Variants in PRKN observed in about 807,000 individuals in gnomAD.
The protein encoded by PRKN is E3 ubiquitin-protein ligase parkin.
Under a neutral mutation model 59.5 loss-of-function variants are expected in PRKN, and 56 were observed. The ratio of observed to expected loss-of-function variants is 0.94; its 90% CI spans 0.76 to 1.18. PRKN has a LOEUF of 1.18. Ranked by LOEUF, PRKN falls within the 50% of genes most tolerant of loss-of-function variation. The probability of loss-of-function intolerance (pLI) is 0.00; values close to 1 mark genes in which losing one functional copy is unlikely to be tolerated. For missense variants in PRKN, 657 were observed against 596.4 expected, an observed-to-expected ratio of 1.10 and a Z score of -1.06; for synonymous variants, 250 against 222.1, an observed-to-expected ratio of 1.13 and a Z score of -1.12.
At position 161,391,881 on chromosome 6, in the gene PRKN, G is replaced by A. The variant is rs1018474479; in HGVS notation, c.1084-5004C>T. ...TGGCCACTCTGTGGATTTAGGAGGT[G>A]CCTACCCAGCCCTGAAACCGTGTAA... is the stretch of plus-strand genomic sequence containing the variant. On this transcript the variant is annotated intron_variant, in intron 9 of 11. Transcript: ENST00000366898. This position sits in a 1 kb window ranked among gnomAD's most constrained non-coding sequence, Gnocchi z 4.9. 6.6e-6 allele frequency among the ~76,000 whole-genome samples: 1 copy of A among 151,922 alleles called. No individual in the cohort carries two copies. Among genetic ancestry groups the A allele is most frequent in the African/African-American group, 2.4e-5 (1 of 41,314 alleles).
At chr6:161,605,459 T>C (rs1214732296) in intron 7 of PRKN, among the ~76,000 whole-genome samples, 1 of 152,016 alleles carries the variant, frequency 6.6e-6, no homozygotes, top group African/African-American at 2.4e-5. Flanking sequence ...GTGGTAGCCA[T>C]GTCATACAGA....
intron 1 of PRKN, among the ~76,000 whole-genome samples, chr6:162,525,222 C>CTG (rs547901103): frequency 6.6e-6 from 1 of 152,052 alleles, no homozygotes; most frequent in African/African-American, 2.4e-5. Context: ...CTCTGACCCT[C>CTG]TGTGTGTGTG....
At chr6:162,399,610 G>A (rs1357398442) in intron 2 of PRKN, among the ~76,000 whole-genome samples, 1 of 151,930 alleles carries the variant, frequency 6.6e-6, no homozygotes, top group Non-Finnish European at 1.5e-5. Flanking sequence ...TCTATTTATA[G>A]ACTAAGAAAT....
chr6:162,121,979 G>A (rs1213831175), intron 4 of PRKN, among the ~76,000 whole-genome samples: 2 of 152,156 alleles, frequency 1.3e-5, no homozygotes, highest in Non-Finnish European at 2.9e-5. Context: ...GGTCTGGTTG[G>A]AAGGTAAGGG....
At chr6:162,103,144 A>T (rs1780048799) in intron 4 of PRKN, among the ~76,000 whole-genome samples, 1 of 152,024 alleles carries the variant, frequency 6.6e-6, no homozygotes, top group Non-Finnish European at 1.5e-5. Flanking sequence ...AGAGGGTTTT[A>T]TAAGTGAGTT....
intron 7 of PRKN, among the ~76,000 whole-genome samples, chr6:161,628,287 C>T (rs1448280812): frequency 6.6e-6 from 1 of 152,146 alleles, no homozygotes; most frequent in Non-Finnish European, 1.5e-5. Flanking sequence ...GGCTTATAAG[C>T]CACGGAAATT....
At chr6:162,044,820 C>A (rs1784192487) in intron 5 of PRKN, among the ~76,000 whole-genome samples, 2 of 152,212 alleles carry the variant, frequency 1.3e-5, no homozygotes, top group Admixed American at 6.5e-5. Context: ...TCTTTGATCA[C>A]CTTTGTGTTT....
intron 5 of PRKN, among the ~76,000 whole-genome samples, chr6:161,975,147 G>A (rs1016565551): frequency 3.4e-5 from 5 of 146,138 alleles, no homozygotes; most frequent in African/African-American, 1.0e-4. Flanking sequence ...GTGCAGTGGC[G>A]CGATCTCAGC....
At chr6:162,524,507 T>C (rs6904956) in intron 1 of PRKN, among the ~76,000 whole-genome samples, 16,375 of 152,228 alleles carry the variant, frequency 0.11, 1,033 homozygotes, top group African/African-American at 0.17. Flanking sequence ...TAAAATATAA[T>C]GCATGGACCT....
intron 6 of PRKN, among the ~76,000 whole-genome samples, chr6:161,933,887 G>A (rs1779258393): frequency 2.0e-5 from 3 of 152,226 alleles, no homozygotes; most frequent in Admixed American, 2.0e-4. Context: ...AACCCCAGAA[G>A]TCTTTGGACC....
rs1355140926 is a variant in PRKN, at chr6:161,468,817, C to G, written c.1083+80037G>C. Among the ~76,000 whole-genome samples the G allele has an allele frequency of 1.3e-5, 2 of 152,180 alleles. No homozygotes were observed. The highest frequency in any genetic ancestry group is 2.9e-5 in the Non-Finnish European group (2 of 68,034). On this transcript the variant is annotated intron_variant, in intron 9 of 11. Transcript: ENST00000366898. This position sits in a 1 kb window ranked among gnomAD's most constrained non-coding sequence, Gnocchi z 5.9. ...ATTTGTGAAGTTGTCCTTGTGGCCACAGTTGAAGGCCCTCATGCTCACTGT... is the reference window on the plus strand; with the variant it reads ...ATTTGTGAAGTTGTCCTTGTGGCCAGAGTTGAAGGCCCTCATGCTCACTGT...
rs1562486973 is a variant in PRKN at position 162,056,149 on chromosome 6, A to ATG, written c.535-1976_535-1975insCA. Among the ~76,000 whole-genome samples the ATG allele has an allele frequency of 2.6e-5, 4 of 151,530 alleles. No homozygotes were observed. The highest frequency in any genetic ancestry group is 2.9e-5 in the Non-Finnish European group (2 of 67,856). ...GCACGCACACCAAGACACACCACAC[A>ATG]CGCACGCACACCAAAACACACCACA... On this transcript the variant is annotated intron_variant, in intron 4 of 11. Coordinates refer to ENST00000366898, the MANE Select transcript of PRKN (RefSeq NM_004562.3). The surrounding 1 kb of genome is among the most constrained non-coding windows in gnomAD (Gnocchi z 4.9).
rs564239833 is a variant in PRKN at position 161,607,545 on chromosome 6, C to T, written c.872-38129G>A. ...GTCTTAAATATTAAAATGATGACGGCAGAAAATTTTAAAAATTTAGTCAGT... is the reference window on the plus strand; with the variant it reads ...GTCTTAAATATTAAAATGATGACGGTAGAAAATTTTAAAAATTTAGTCAGT... On this transcript the variant is annotated intron_variant, in intron 7 of 11. Coordinates refer to ENST00000366898, the MANE Select transcript of PRKN (RefSeq NM_004562.3). Among the ~76,000 whole-genome samples, 3 of 151,918 alleles carry T rather than the reference C, an allele frequency of 2.0e-5. No homozygotes were observed. The South Asian group carries it at 6.2e-4, about 32-fold the overall frequency.
chr6:161,666,314 C>G (rs936339870), intron 7 of PRKN, among the ~76,000 whole-genome samples: 1 of 152,142 alleles, frequency 6.6e-6, no homozygotes, highest in Non-Finnish European at 1.5e-5. Flanking sequence ...ATTACCTTCT[C>G]ATAGGAGCAT....
chr6:161,865,573 C>T (rs997158104), intron 6 of PRKN, among the ~76,000 whole-genome samples: 6 of 152,202 alleles, frequency 3.9e-5, no homozygotes, highest in Admixed American at 2.6e-4. Context: ...TAACTTGCTG[C>T]TTCACCTTGA....
Position 162,371,164 on chromosome 6 carries a change from G to A in PRKN, c.171+72146C>T, listed in dbSNP as rs184623681. Among the ~76,000 whole-genome samples the A allele has an allele frequency of 2.5e-3, 380 of 152,248 alleles. 1 individual carries two copies. Among genetic ancestry groups the A allele is most frequent in the Non-Finnish European group, 3.2e-3 (219 of 68,016 alleles). ...TTCAACATTTGCTCCCAGGAGAGGC[G>A]GGATGCTTCCTGGGGACAGATTAGA... On this transcript the variant is annotated intron_variant, in intron 2 of 11. Transcript: ENST00000366898.
chr6:162,210,855 CTT>C (rs1048793055), intron 3 of PRKN, among the ~76,000 whole-genome samples: 6 of 151,932 alleles, frequency 3.9e-5, no homozygotes, highest in African/African-American at 7.3e-5. Context: ...AAAATAAAAG[CTT>C]TTTTTATTGT....
intron 2 of PRKN, among the ~76,000 whole-genome samples, chr6:162,297,119 T>C (rs1407685655): frequency 6.6e-6 from 1 of 151,834 alleles, no homozygotes; most frequent in Non-Finnish European, 1.5e-5. Context: ...ATCCTACATG[T>C]CAGTACAACA....
chr6:161,853,703 T>A (rs900165547), intron 6 of PRKN, among the ~76,000 whole-genome samples: 2 of 152,198 alleles, frequency 1.3e-5, no homozygotes, highest in Non-Finnish European at 2.9e-5. Context: ...ACAAACATCA[T>A]TTCATTATGC....
Sources: gnomAD v4.1 joint callset for allele counts (sites outside exome capture counted in the v4.1 genomes callset) on GRCh38, gnomAD v4.1.1 for gene constraint, Gnocchi (gnomAD v3.1) non-coding constraint, MANE v1.5 for transcripts, NCBI Gene and HGNC (gene_info 2026-07-23, HGNC 2026-07-21) for gene names.